UBASH3A: variants seen among roughly 807,000 people sequenced by gnomAD.
The protein encoded by UBASH3A is ubiquitin associated and SH3 domain containing A, also known as ubiquitin-associated and SH3 domain-containing protein A.
In UBASH3A, 63 loss-of-function variants were observed where a neutral mutation model predicts 73.5. The ratio of observed to expected loss-of-function variants is 0.86; its 90% CI spans 0.70 to 1.06. The LOEUF (loss-of-function observed/expected upper bound fraction) is 1.06, where lower values mean the gene tolerates loss of function less well. UBASH3A is among the 50% of genes least tolerant of loss of function. The probability of loss-of-function intolerance (pLI) is 0.00; values close to 1 mark genes in which losing one functional copy is unlikely to be tolerated. For synonymous variants in UBASH3A, 363 were observed against 351.1 expected (o/e 1.03, Z -0.38); for missense variants, 860 against 859.0 (o/e 1.00, Z -0.02).
chr21:42,416,186 G>T (rs2053202308), intron 5 of UBASH3A, among the ~76,000 whole-genome samples: 1 of 152,156 alleles, frequency 6.6e-6, no homozygotes, highest in East Asian at 1.9e-4. Context: ...CATCTGAATC[G>T]TGCATTCGGG....
chr21:42,409,777 T>A (rs1156251683), intron 3 of UBASH3A, among the ~76,000 whole-genome samples, 169 bp downstream of exon 3: 1 of 152,216 alleles, frequency 6.6e-6, no homozygotes. Flanking sequence ...TTTGCCTTCA[T>A]CTGGTCAACT....
intron 1 of UBASH3A, chr21:42,404,326 G>A (rs867446866): frequency 1.9e-5 from 6 of 321,426 alleles, no homozygotes; most frequent in Non-Finnish European, 2.3e-5. Context: ...AGGCTGCCCT[G>A]TTCAATTTGT....
intron 1 of UBASH3A, among the ~76,000 whole-genome samples, 171 bp from the exon 2 acceptor site, chr21:42,406,137 A>G (rs1026048509): frequency 6.6e-6 from 1 of 151,966 alleles, no homozygotes; most frequent in Non-Finnish European, 1.5e-5. Context: ...CAAAACCACG[A>G]TGGCAGCACT....
rs146508615 is a variant in UBASH3A at position 42,424,213 on chromosome 21, A to G, written c.1047-2484A>G. 2.5e-3 allele frequency among the ~76,000 whole-genome samples: 387 copies of G among 152,048 alleles called. 1 individual carries two copies. The highest frequency in any genetic ancestry group is 8.1e-3 in the African/African-American group (335 of 41,464). On this transcript the variant is annotated intron_variant, in intron 7 of 14. Transcript: ENST00000319294. ...TCCAAGCAGCAGAACCACTGGCATT[A>G]GAGTGCCTGGAAACAGACCTGCAGG...
chr21:42,436,174 T>C (rs1399451740), intron 10 of UBASH3A, among the ~76,000 whole-genome samples: 2 of 151,704 alleles, frequency 1.3e-5, no homozygotes, highest in African/African-American at 4.9e-5. Context: ...GTCATAGAGT[T>C]ATAGAGTTAG....
chr21:42,426,942 C>A, intron 8 of UBASH3A, 122 bp downstream of exon 8: 1 of 1,302,778 alleles, frequency 7.7e-7, no homozygotes, highest in African/African-American at 1.5e-5. Context: ...CCTCCCTGCC[C>A]TAGAGCGTGG....
At chr21:42,425,071 T>C in intron 7 of UBASH3A, among the ~76,000 whole-genome samples, 1 of 152,196 alleles carries the variant, frequency 6.6e-6, no homozygotes. Flanking sequence ...GACTTTGTTA[T>C]GGCCGCCCCA....
Position 42,409,548 on chromosome 21 carries a change from G to A in UBASH3A, c.294G>A (p.Gln98=), listed in dbSNP as rs1049826734. The part of the protein sequence containing the change: ...LQEFWRESKR[Q]CAKNRAHEVF... ...AGTTCTGGAGAGAGAGCAAGCGCCA[G>A]TGTGCAAAGAACAGAGCTCATGAGG... The change falls in exon 3 of 15, where the codon CAG becomes CAA. Residue 98 remains glutamine, a synonymous_variant. Coordinates refer to ENST00000319294, the MANE Select transcript of UBASH3A (RefSeq NM_018961.4). 3.1e-6 allele frequency: 5 copies of A among 1,614,050 alleles called. No individual in the cohort carries two copies. In the African/African-American group the frequency reaches 6.7e-5, roughly 22 times the overall value.
At chr21:42,406,714 A>G (rs2052984918) in intron 2 of UBASH3A, among the ~76,000 whole-genome samples, 1 of 151,584 alleles carries the variant, frequency 6.6e-6, no homozygotes, top group African/African-American at 2.4e-5. Context: ...AAATGAGGGT[A>G]ATTGTTAGAA....
At chr21:42,410,255 G>A in intron 3 of UBASH3A, 1 of 684,240 alleles carries the variant, frequency 1.5e-6, no homozygotes, top group Middle Eastern at 3.7e-4. Flanking sequence ...AGAAGGAGAA[G>A]GGAGAGACAG....
chr21:42,444,746 C>A, intron 14 of UBASH3A, 103 bp downstream of exon 14: 1 of 937,736 alleles, frequency 1.1e-6, no homozygotes, highest in Non-Finnish European at 1.7e-6. Context: ...TCCGGCTGAC[C>A]CAGGGCCACC....
chr21:42,444,486 G>A (rs1170499501), intron 13 of UBASH3A, 48 bp from the exon 14 acceptor site: 6 of 1,424,364 alleles, frequency 4.2e-6, no homozygotes, highest in Non-Finnish European at 5.9e-6. Flanking sequence ...CTAATAAAAG[G>A]TGCTCTCTGG....
At chr21:42,404,131 G>A in intron 1 of UBASH3A, 73 bp downstream of exon 1, 2 of 832,172 alleles carry the variant, frequency 2.4e-6, no homozygotes, top group Non-Finnish European at 1.7e-6. Context: ...CCCCCGGCAT[G>A]GAGCTGCAGG....
chr21:42,404,029 C>T lies in UBASH3A; in HGVS notation c.84C>T (p.Leu28=), dbSNP rs2052916123. ...GCAGCCCCTCGCTCCTGGAGCCCCT[C>T]CTGGCCATGGGCTTCCCGGTGCACA... ...SRSSPSLLEP[L]LAMGFPVHTA... is the part of the protein sequence containing the mutation. Residue 28 remains leucine (L), a synonymous_variant, in exon 1 of 15, where the codon CTC becomes CTT. Transcript: ENST00000319294. The T allele has an allele frequency of 6.6e-7, 1 of 1,526,044 alleles. No individual in the cohort carries two copies. The highest frequency in any genetic ancestry group is 8.8e-7 in the Non-Finnish European group (1 of 1,132,434). The allele number at this position is 1,526,044 out of a possible 1,614,324, so 94.5% of individuals were successfully genotyped here. A position where few individuals can be genotyped will look rare whatever the true frequency, so the allele number is the denominator to read the frequency against.
chr21:42,406,370 A>G lies in UBASH3A; in HGVS notation c.167+9A>G. 6.2e-7 allele frequency: 1 copy of G among 1,612,854 alleles called. No individual in the cohort carries two copies. Among genetic ancestry groups the G allele is most frequent in the Admixed American group, 1.7e-5 (1 of 60,020 alleles). On this transcript the variant is annotated intron_variant, in intron 2 of 14. Transcript: ENST00000319294. ...GAGGAGGCCTTGGCCTGGTGAGTGCAGCTGCTTCTGTAGACCCAGGGGCGT... is the reference window on the plus strand; with the variant it reads ...GAGGAGGCCTTGGCCTGGTGAGTGCGGCTGCTTCTGTAGACCCAGGGGCGT...
intron 12 of UBASH3A, 107 bp downstream of exon 12, chr21:42,442,703 C>T: frequency 8.0e-7 from 1 of 1,253,928 alleles, no homozygotes; most frequent in South Asian, 1.5e-5. Flanking sequence ...CAAGAGGGAC[C>T]ACTGCAGTGG....
At chr21:42,420,996 T>G (rs1195066805) in intron 7 of UBASH3A, among the ~76,000 whole-genome samples, 3 of 152,336 alleles carry the variant, frequency 2.0e-5, no homozygotes, top group Admixed American at 6.5e-5. Flanking sequence ...ATGCCTCTTG[T>G]AGCCCACCCT....
Position 42,444,658 on chromosome 21 carries a change from T to C in UBASH3A, c.1848+15T>C, listed in dbSNP as rs753882096. ...TCGTGAGAAAGGTACGCGCCCACTC[T>C]TGGCTCTTTGGGCCACAAAATCAAG... is the stretch of plus-strand genomic sequence containing the variant. On this transcript the variant is annotated intron_variant, in intron 14 of 14. Coordinates refer to ENST00000319294, the MANE Select transcript of UBASH3A (RefSeq NM_018961.4). 1 of 1,574,680 alleles carries C rather than the reference T, an allele frequency of 6.4e-7. No homozygotes were observed. The highest frequency in any genetic ancestry group is 1.4e-5 in the African/African-American group (1 of 74,064).
rs150125286 is a variant in UBASH3A at position 42,444,537 on chromosome 21, G to C, written c.1742G>C (p.Gly581Ala). The C allele has an allele frequency of 2.5e-5, 41 of 1,612,162 alleles. No individual in the cohort carries two copies. The African/African-American group carries it at 4.9e-4, about 19-fold the overall frequency. Residue 581 changes from glycine (G) to alanine (A), a missense_variant, in exon 14 of 15, where the codon GGT becomes GCT. Transcript: ENST00000319294. ...GAGGTGTTCTTGTTTTCCACAGCGG[G>C]TGTCATCCTAATTGTGAGTCACGGC... Reference protein sequence around the residue: ...QIVNTCPQDTGVILIVSHGST... With the variant: ...QIVNTCPQDTAVILIVSHGST...
Sources: allele counts gnomAD v4.1 joint callset (sites outside exome capture counted in the v4.1 genomes callset), GRCh38; gene constraint gnomAD v4.1.1; transcripts MANE v1.5; gene names NCBI Gene and HGNC (gene_info 2026-07-23, HGNC 2026-07-21).